MEP1A: variants seen among roughly 807,000 people sequenced by gnomAD.
MEP1A encodes the protein N-benzoyl-L-tyrosyl-P-amino-benzoic acid hydrolase subunit alpha.
Under a neutral mutation model 84.5 loss-of-function variants are expected in MEP1A, and 68 were observed. That is an observed-to-expected ratio of 0.80 (90% CI 0.66 to 0.98). The LOEUF is 0.98. Ranked by LOEUF, MEP1A falls within the 50% of genes least tolerant of loss-of-function variation. The pLI, the probability that MEP1A is intolerant of heterozygous loss-of-function variation, is 0.00. For missense variants in MEP1A, 887 were observed against 919.9 expected, an observed-to-expected ratio of 0.96 and a Z score of 0.46; for synonymous variants, 337 against 336.8, an observed-to-expected ratio of 1.00 and a Z score of -0.01.
chr6:46,839,971 C>T (rs1377817710), downstream of MEP1A, among the ~76,000 whole-genome samples: 2 of 151,108 alleles, frequency 1.3e-5, no homozygotes, highest in East Asian at 3.9e-4. Flanking sequence ...GATATGCTTT[C>T]TTTCCATAGT....
intron 6 of MEP1A, among the ~76,000 whole-genome samples, chr6:46,816,540 G>C (rs1767640147): frequency 6.6e-6 from 1 of 151,950 alleles, no homozygotes; most frequent in Admixed American, 6.6e-5. Flanking sequence ...GAGGCAGGAA[G>C]AGGGAGAGAG....
chr6:46,817,581 T>A (rs1767669674), intron 6 of MEP1A, among the ~76,000 whole-genome samples: 1 of 152,198 alleles, frequency 6.6e-6, no homozygotes, highest in Non-Finnish European at 1.5e-5. Flanking sequence ...ACAATTAACT[T>A]TATTAACAAA....
chr6:46,824,439 G>C (rs1013803241), intron 7 of MEP1A, among the ~76,000 whole-genome samples: 23 of 143,946 alleles, frequency 1.6e-4, no homozygotes, highest in Admixed American at 6.3e-4. Flanking sequence ...TATTAATAAT[G>C]ATTCATAGTA....
intron 7 of MEP1A, among the ~76,000 whole-genome samples, chr6:46,824,696 TATGTATTTAAATAG>T (rs1459346748): frequency 7.9e-6 from 1 of 125,794 alleles, no homozygotes; most frequent in African/African-American, 3.4e-5. Context: ...ATATATAAAT[TATGTATTTAAATAG>T]ATGTATTTAA....
intron 5 of MEP1A, among the ~76,000 whole-genome samples, chr6:46,801,788 G>T (rs528219556): frequency 6.6e-6 from 1 of 152,166 alleles, no homozygotes; most frequent in Admixed American, 6.5e-5. Flanking sequence ...ACAACAGGAT[G>T]AAGAGATTGA....
Position 46,829,442 on chromosome 6 carries a change from A to G in MEP1A, c.1015A>G (p.Arg339Gly). ...GGAGTCTCGGATTCTTTACCCAAAG[A>G]GGAAGCAGCAGTGCCTGCAATTTTT... is the stretch of plus-strand genomic sequence containing the variant. The part of the protein sequence containing the change: ...LLESRILYPK[R>G]KQQCLQFFYK... The change falls in exon 10 of 14, where the codon AGG (arginine) becomes GGG (glycine). Residue 339 changes from arginine to glycine, a missense_variant. Physicochemically the swap from Arg to Gly is moderately radical, Grantham distance 125. Coordinates refer to ENST00000230588, the MANE Select transcript of MEP1A (RefSeq NM_005588.3). The G allele has an allele frequency of 1.9e-6, 3 of 1,614,202 alleles. No individual in the cohort carries two copies. Among genetic ancestry groups the G allele is most frequent in the African/African-American group, 1.3e-5 (1 of 75,064 alleles).
rs1185565911 is a variant in MEP1A at position 46,809,477 on chromosome 6, G to A, written c.320G>A (p.Cys107Tyr). Residue 107 changes from cysteine (C) to tyrosine (Y), a missense_variant, in exon 6 of 14, where the codon TGT becomes TAT. By Grantham distance (194) the Cys-to-Tyr change is radical. Coordinates refer to ENST00000230588, the MANE Select transcript of MEP1A (RefSeq NM_005588.3). ...YAFEMFRLKS[C>Y]VDFKPYEGES... The stretch of plus-strand genomic sequence containing the variant: ...TTTGAGATGTTCCGTCTCAAGTCCT[G>A]TGTGGATTTCAAGCCCTATGAAGGA... 6.2e-7 allele frequency: 1 copy of A among 1,610,518 alleles called. No individual in the cohort carries two copies. The highest frequency in any genetic ancestry group is 8.5e-7 in the Non-Finnish European group (1 of 1,177,900).
intron 12 of MEP1A, among the ~76,000 whole-genome samples, 154 bp from the exon 13 acceptor site, chr6:46,835,095 T>C (rs1041808682): frequency 5.3e-5 from 8 of 152,220 alleles, no homozygotes; most frequent in African/African-American, 1.9e-4. Context: ...AAGTAGCTAA[T>C]ACTGTGGGAA....
At chr6:46,842,265 A>G (rs907038386), downstream of MEP1A, among the ~76,000 whole-genome samples, 7 of 152,222 alleles carry the variant, frequency 4.6e-5, no homozygotes, top group African/African-American at 1.7e-4. Flanking sequence ...CAGGGAAAAA[A>G]GGAAGGTAAC....
chr6:46,817,929 C>G (rs1346721177), intron 6 of MEP1A, among the ~76,000 whole-genome samples: 1 of 152,208 alleles, frequency 6.6e-6, no homozygotes, highest in Non-Finnish European at 1.5e-5. Flanking sequence ...CTTCAGGGCA[C>G]TGGTCTCCTG....
chr6:46,842,152 A>G (rs1360839168), downstream of MEP1A, among the ~76,000 whole-genome samples: 2 of 152,162 alleles, frequency 1.3e-5, no homozygotes, highest in Non-Finnish European at 1.5e-5. Flanking sequence ...GAGAATGTAC[A>G]TCACCTCAGG....
intron 10 of MEP1A, among the ~76,000 whole-genome samples, chr6:46,831,501 A>G (rs1283127190): frequency 1.3e-5 from 2 of 152,218 alleles, no homozygotes; most frequent in Non-Finnish European, 2.9e-5. Flanking sequence ...TCGTAGTAGC[A>G]TTATTGCCTG....
chr6:46,824,757 AAT>A (rs1217995606), intron 7 of MEP1A, among the ~76,000 whole-genome samples: 8 of 62,818 alleles, frequency 1.3e-4, no homozygotes, highest in African/African-American at 3.5e-4. Flanking sequence ...GATGTATTTA[AAT>A]ATATATAAAT....
intron 10 of MEP1A, among the ~76,000 whole-genome samples, chr6:46,832,285 T>G (rs1260403328): frequency 6.6e-6 from 1 of 152,212 alleles, no homozygotes; most frequent in Non-Finnish European, 1.5e-5. Flanking sequence ...GTTGCTTTGC[T>G]TTCGCAGTTT....
chr6:46,798,419 C>A, intron 3 of MEP1A, among the ~76,000 whole-genome samples, 187 bp from the exon 4 acceptor site: 1 of 152,160 alleles, frequency 6.6e-6, no homozygotes, highest in South Asian at 2.1e-4. Flanking sequence ...GAGGCTATGA[C>A]AATATGTGAT....
chr6:46,831,354 C>G (rs1200654691), intron 10 of MEP1A, among the ~76,000 whole-genome samples: 1 of 152,100 alleles, frequency 6.6e-6, no homozygotes, highest in Non-Finnish European at 1.5e-5. Context: ...TGCTTATATA[C>G]AAACTTACAT....
chr6:46,808,307 TTGACTATTCCCA>T (rs1767411952), intron 5 of MEP1A, among the ~76,000 whole-genome samples: 1 of 152,080 alleles, frequency 6.6e-6, no homozygotes, highest in Non-Finnish European at 1.5e-5. Flanking sequence ...AATTAGTTTA[TTGACTATTCCCA>T]TGACTATTTC....
At position 46,833,270 on chromosome 6, in the gene MEP1A, C is replaced by T. The variant is rs762596318; in HGVS notation, c.1341C>T (p.Asn447=). 6.2e-6 allele frequency: 10 copies of T among 1,614,088 alleles called. No homozygotes were observed. Among genetic ancestry groups the T allele is most frequent in the Non-Finnish European group, 8.5e-6 (10 of 1,180,036 alleles). ...GGAATTTCTCCCAAGTCCTTGAGAA[C>T]ACCAGCAAAGGGGACAAGCTTCAGA... ...TVRNFSQVLE[N]TSKGDKLQSP... is the part of the protein sequence containing the mutation. The change falls in exon 11 of 14, where the codon AAC becomes AAT. Residue 447 remains asparagine, a synonymous_variant. Coordinates refer to ENST00000230588, the MANE Select transcript of MEP1A (RefSeq NM_005588.3).
chr6:46,816,057 C>T (rs1447776256), intron 6 of MEP1A, among the ~76,000 whole-genome samples: 1 of 152,110 alleles, frequency 6.6e-6, no homozygotes, highest in Non-Finnish European at 1.5e-5. Flanking sequence ...CTGCCTCAGC[C>T]TCTTGAGTAG....
Sources: gnomAD v4.1 joint callset for allele counts (sites outside exome capture counted in the v4.1 genomes callset) on GRCh38, gnomAD v4.1.1 for gene constraint, MANE v1.5 for transcripts, NCBI Gene and HGNC (gene_info 2026-07-23, HGNC 2026-07-21) for gene names.